The following DIS3L2 variants were observed in gnomAD, a reference collection of about 807,000 sequenced individuals.
DIS3L2 encodes DIS3 like 3'-5' exoribonuclease 2.
In DIS3L2, 34 loss-of-function variants were observed where a neutral mutation model predicts 97.5. That is an observed-to-expected ratio of 0.35 (90% CI 0.27 to 0.46). The LOEUF (loss-of-function observed/expected upper bound fraction) is 0.46. Ranked by LOEUF, DIS3L2 falls within the 20% of genes least tolerant of loss-of-function variation. The pLI is 1.00. For synonymous variants in DIS3L2, 435 were observed against 445.2 expected (o/e 0.98, Z 0.29); for missense variants, 1,038 against 1,146.0 (o/e 0.91, Z 1.36).
At chr2:232,273,221 A>G (rs77916679) in intron 13 of DIS3L2, among the ~76,000 whole-genome samples, 1,725 of 152,166 alleles carry the variant, frequency 0.011, 29 homozygotes, top group African/African-American at 0.038. Context: ...ACCTGTCTTT[A>G]TCACACTGTC....
chr2:232,306,408 C>G (rs1694986193), intron 14 of DIS3L2, among the ~76,000 whole-genome samples: 1 of 152,222 alleles, frequency 6.6e-6, no homozygotes, highest in South Asian at 2.1e-4. Context: ...GTATCAACGT[C>G]TGATACTCCC....
In DIS3L2 at chr2:232,226,027, G is replaced by A. The variant is rs556879923; in HGVS notation, c.1205-12506G>A. Reference sequence around the variant, plus strand: ...TGCCTGCGGCTGGGAAGGTTGGGAGGAAGTAGGGAGTGACTGTAAACAGAT... The same window carrying A: ...TGCCTGCGGCTGGGAAGGTTGGGAGAAAGTAGGGAGTGACTGTAAACAGAT... On this transcript the variant is annotated intron_variant, in intron 10 of 20. Transcript: ENST00000325385. Among the ~76,000 whole-genome samples the A allele has an allele frequency of 2.6e-3, 399 of 152,320 alleles. 2 individuals carry two copies. The highest frequency in any genetic ancestry group is 8.2e-3 in the African/African-American group (340 of 41,584).
At position 232,172,549 on chromosome 2, in the gene DIS3L2, A is replaced by G. The variant is rs1053063400; in HGVS notation, c.1124+8917A>G. Reference sequence around the variant, plus strand: ...TTTGTTTATTCATTAGTTGATGGACATTTGGGTTGATTCCCCAGCTTGACT... The same window carrying G: ...TTTGTTTATTCATTAGTTGATGGACGTTTGGGTTGATTCCCCAGCTTGACT... On this transcript the variant is annotated intron_variant, in intron 9 of 20. Transcript: ENST00000325385. 20 of 396,316 alleles carry G rather than the reference A, an allele frequency of 5.0e-5. No individual in the cohort carries two copies. In the East Asian group the frequency reaches 1.6e-3, roughly 31 times the overall value. The allele number at this position is 396,316 out of a possible 1,614,324, so 24.5% of individuals were successfully genotyped here. A position where few individuals can be genotyped will look rare whatever the true frequency, so the allele number is the denominator to read the frequency against.
chr2:232,086,792 G>T (rs181890632), intron 5 of DIS3L2, among the ~76,000 whole-genome samples: 2,043 of 149,680 alleles, frequency 0.014, 48 homozygotes, highest in African/African-American at 0.043. Flanking sequence ...CCATTCTCCT[G>T]CCTCAGCCTC....
chr2:231,972,271 A>G (rs986619042), intron 1 of DIS3L2, among the ~76,000 whole-genome samples: 2 of 152,252 alleles, frequency 1.3e-5, no homozygotes, highest in African/African-American at 2.4e-5. Flanking sequence ...TACATAAAGC[A>G]GTAACATAGC....
intron 13 of DIS3L2, among the ~76,000 whole-genome samples, chr2:232,287,257 G>A (rs1694458523): frequency 6.6e-6 from 1 of 151,946 alleles, no homozygotes; most frequent in Non-Finnish European, 1.5e-5. Context: ...ATTGTGTCTA[G>A]TTTCTTAAAT....
intron 12 of DIS3L2, among the ~76,000 whole-genome samples, chr2:232,257,187 G>A (rs1444909569): frequency 1.3e-5 from 2 of 152,136 alleles, no homozygotes; most frequent in African/African-American, 4.8e-5. Flanking sequence ...TTCAGGGGAA[G>A]CCTGAGCTTT....
intron 1 of DIS3L2, among the ~76,000 whole-genome samples, chr2:231,975,536 A>G (rs986114464): frequency 9.2e-5 from 14 of 151,854 alleles, no homozygotes; most frequent in Non-Finnish European, 1.6e-4. Context: ...CTCCATCTCT[A>G]CTAAAAAAAT....
chr2:231,971,100 T>C (rs1190745811), intron 1 of DIS3L2, among the ~76,000 whole-genome samples: 1 of 152,172 alleles, frequency 6.6e-6, no homozygotes, highest in East Asian at 1.9e-4. Context: ...AACAGTGCCT[T>C]CTTCTGGATA....
At chr2:232,163,373 C>T (rs1690710382) in intron 8 of DIS3L2, 86 bp from the exon 9 acceptor site, 8 of 1,412,678 alleles carry the variant, frequency 5.7e-6, no homozygotes, top group Non-Finnish European at 7.7e-6. Context: ...TTAAACTTTC[C>T]CACTACTTTA....
chr2:232,195,381 T>G (rs1691724878), intron 9 of DIS3L2, among the ~76,000 whole-genome samples: 1 of 152,210 alleles, frequency 6.6e-6, no homozygotes, highest in South Asian at 2.1e-4. Context: ...AGGTAGAGTT[T>G]TATTATTTCT....
At chr2:232,086,632 C>CATAT (rs66493057) in intron 5 of DIS3L2, among the ~76,000 whole-genome samples, 2 of 69,226 alleles carry the variant, frequency 2.9e-5, no homozygotes, top group African/African-American at 1.5e-4. Flanking sequence ...TATATATACA[C>CATAT]ATATATATAT....
chr2:232,304,546 A>C (rs181688377), intron 14 of DIS3L2, among the ~76,000 whole-genome samples: 157 of 152,306 alleles, frequency 1.0e-3, no homozygotes, highest in African/African-American at 3.5e-3. Flanking sequence ...TACTGTGTGG[A>C]TGGTGGTGAC....
intron 13 of DIS3L2, 87 bp downstream of exon 13, chr2:232,263,527 T>A (rs1693775561): frequency 7.7e-7 from 1 of 1,295,152 alleles, no homozygotes; most frequent in African/African-American, 1.5e-5. Context: ...AGGCTTAGAC[T>A]CTTCCTTCCT....
At chr2:232,015,395 G>A in intron 2 of DIS3L2, 119 bp from the exon 3 acceptor site, 1 of 1,305,658 alleles carries the variant, frequency 7.7e-7, no homozygotes, top group East Asian at 2.4e-5. Flanking sequence ...ATCACCATCA[G>A]GGAGTTTCAG....
chr2:232,067,063 A>C (rs925640694), intron 5 of DIS3L2, among the ~76,000 whole-genome samples: 1 of 151,916 alleles, frequency 6.6e-6, no homozygotes, highest in African/African-American at 2.4e-5. Context: ...AGATTTTATC[A>C]ATCTTTTCAT....
intron 14 of DIS3L2, among the ~76,000 whole-genome samples, chr2:232,320,859 C>T (rs1422953017): frequency 6.6e-6 from 1 of 152,194 alleles, no homozygotes; most frequent in Non-Finnish European, 1.5e-5. Flanking sequence ...CACCCAACAG[C>T]CTATGGTCTG....
intron 5 of DIS3L2, among the ~76,000 whole-genome samples, chr2:232,035,571 T>C (rs1245554147): frequency 3.9e-5 from 6 of 152,234 alleles, no homozygotes. Flanking sequence ...TGCCCATTAG[T>C]TGATGCAGTT....
intron 20 of DIS3L2, 45 bp downstream of exon 20, chr2:232,335,919 C>T: frequency 6.5e-7 from 1 of 1,548,908 alleles, no homozygotes; most frequent in Non-Finnish European, 8.7e-7. Flanking sequence ...CTGATGACCC[C>T]TCTCCTGCCT....
Sources: gnomAD v4.1 joint callset for allele counts (sites outside exome capture counted in the v4.1 genomes callset) on GRCh38, gnomAD v4.1.1 for gene constraint, MANE v1.5 for transcripts, NCBI Gene and HGNC (gene_info 2026-07-23, HGNC 2026-07-21) for gene names.